NBEA: variants seen among roughly 807,000 people sequenced by gnomAD.
The protein encoded by NBEA is lysosomal-trafficking regulator 2.
NBEA carries 44 observed loss-of-function variants against 343.4 expected under a neutral mutation model. That is an observed-to-expected ratio of 0.13 (90% confidence interval 0.10 to 0.16). The LOEUF is 0.16. Among genes scored for constraint, NBEA ranks in the 10% least tolerant of loss-of-function variants. The pLI, the probability that NBEA is intolerant of heterozygous loss-of-function variation, is 1.00. For missense variants in NBEA, 2,555 were observed against 3,631.3 expected, an observed-to-expected ratio of 0.70 and a Z score of 7.62; for synonymous variants, 1,175 against 1,238.7, an observed-to-expected ratio of 0.95 and a Z score of 1.08.
intron 38 of NBEA, among the ~76,000 whole-genome samples, chr13:35,360,694 C>T (rs1041831676): frequency 1.3e-5 from 2 of 151,962 alleles, no homozygotes; most frequent in African/African-American, 4.8e-5. Flanking sequence ...AAAAATCCAT[C>T]ACCTGAAATG....
Position 35,645,926 on chromosome 13 carries a change from A to G in NBEA, c.7675A>G (p.Ile2559Val). The G allele has an allele frequency of 6.4e-7, 1 of 1,552,964 alleles. No homozygotes were observed. Among genetic ancestry groups the G allele is most frequent in the Non-Finnish European group, 8.8e-7 (1 of 1,139,812 alleles). The part of the protein sequence containing the change: ...PHTFLLTKDF[I>V]KAMEAQIQNF... Reference sequence around the variant, plus strand: ...CACTTTCCTTCTTACAAAGGACTTTATTAAGGTATATGTTCTGTATTTAGT... The same window carrying G: ...CACTTTCCTTCTTACAAAGGACTTTGTTAAGGTATATGTTCTGTATTTAGT... Residue 2559 changes from isoleucine (I) to valine (V), a missense_variant, in exon 50 of 59, where the codon ATT becomes GTT. Ile to Val is a conservative substitution (Grantham distance 29). Transcript: ENST00000379939.
intron 34 of NBEA, among the ~76,000 whole-genome samples, chr13:35,274,252 A>G (rs2034414487): frequency 6.6e-6 from 1 of 152,246 alleles, no homozygotes; most frequent in Admixed American, 6.5e-5. Context: ...AACAGAACCA[A>G]TGACAAAAAC....
At chr13:35,278,489 C>T (rs1004667656) in intron 34 of NBEA, among the ~76,000 whole-genome samples, 3 of 152,266 alleles carry the variant, frequency 2.0e-5, no homozygotes, top group Non-Finnish European at 2.9e-5. Context: ...GATAAAACCC[C>T]GTGAACTCAC....
At chr13:35,445,530 A>T (rs1017358352) in intron 39 of NBEA, among the ~76,000 whole-genome samples, 1 of 151,858 alleles carries the variant, frequency 6.6e-6, no homozygotes, top group African/African-American at 2.4e-5. Flanking sequence ...ACAATAACTT[A>T]TGAATGGCAA....
intron 35 of NBEA, among the ~76,000 whole-genome samples, chr13:35,300,851 C>A (rs2036491538): frequency 6.6e-6 from 1 of 152,052 alleles, no homozygotes; most frequent in Admixed American, 6.6e-5. Context: ...TCTTCTCATT[C>A]CGTTTTTTTC....
chr13:35,597,254 C>G (rs1245997590), intron 47 of NBEA, among the ~76,000 whole-genome samples: 1 of 152,116 alleles, frequency 6.6e-6, no homozygotes, highest in Non-Finnish European at 1.5e-5. Context: ...AGTGTAGCTG[C>G]TAAAATAAAC....
intron 34 of NBEA, among the ~76,000 whole-genome samples, chr13:35,248,991 A>C (rs920638780): frequency 2.0e-5 from 3 of 151,990 alleles, no homozygotes; most frequent in Non-Finnish European, 4.4e-5. Context: ...CTGTACTAAA[A>C]ATGCAAAATT....
At chr13:35,171,123 T>C (rs1357986500) in intron 25 of NBEA, 149 bp from the exon 26 acceptor site, 2 of 805,330 alleles carry the variant, frequency 2.5e-6, no homozygotes, top group African/African-American at 3.4e-5. Context: ...CCAGCTCTGG[T>C]GATATATGGA....
chr13:35,211,280 T>C, intron 33 of NBEA, 101 bp downstream of exon 33: 1 of 1,049,310 alleles, frequency 9.5e-7, no homozygotes. Flanking sequence ...GAATGAAGGT[T>C]AATTATTTTG....
chr13:35,370,580 T>C (rs115392648), intron 38 of NBEA, among the ~76,000 whole-genome samples: 1,656 of 152,196 alleles, frequency 0.011, 31 homozygotes, highest in African/African-American at 0.038. Flanking sequence ...ATTATATTAA[T>C]GTACTTTTGG....
chr13:35,570,083 G>GA (rs1199485117), intron 45 of NBEA, among the ~76,000 whole-genome samples: 1 of 152,220 alleles, frequency 6.6e-6, no homozygotes, highest in African/African-American at 2.4e-5. Flanking sequence ...GCCCAGGCTG[G>GA]AGTGCAGTGG....
chr13:35,138,114 G>C (rs572163214), intron 17 of NBEA, among the ~76,000 whole-genome samples: 29 of 152,228 alleles, frequency 1.9e-4, no homozygotes, highest in African/African-American at 6.7e-4. Context: ...TAAATGGTTA[G>C]AAAGTTTCAA....
intron 38 of NBEA, among the ~76,000 whole-genome samples, chr13:35,360,692 A>G (rs1325782607): frequency 1.3e-5 from 2 of 152,100 alleles, no homozygotes; most frequent in Admixed American, 6.6e-5. Flanking sequence ...TGAAAAATCC[A>G]TCACCTGAAA....
At chr13:35,604,336 C>T (rs916511797) in intron 47 of NBEA, among the ~76,000 whole-genome samples, 3 of 152,102 alleles carry the variant, frequency 2.0e-5, no homozygotes, top group African/African-American at 7.2e-5. Context: ...ATTCTCTTTT[C>T]CTTTTTCGTT....
At chr13:35,466,165 C>T (rs2152955039) in intron 40 of NBEA, among the ~76,000 whole-genome samples, 1 of 152,170 alleles carries the variant, frequency 6.6e-6, no homozygotes, top group African/African-American at 2.4e-5. Flanking sequence ...CTTCATCTGT[C>T]TCATTTTATA....
intron 41 of NBEA, among the ~76,000 whole-genome samples, chr13:35,510,414 C>T (rs899982852): frequency 6.6e-6 from 1 of 152,138 alleles, no homozygotes; most frequent in African/African-American, 2.4e-5. Flanking sequence ...TATATTTTGA[C>T]TTAATTTTTC....
intron 53 of NBEA, among the ~76,000 whole-genome samples, chr13:35,653,728 A>G (rs1213687803): frequency 1.3e-5 from 2 of 152,228 alleles, no homozygotes; most frequent in African/African-American, 4.8e-5. Flanking sequence ...TACACAAAAT[A>G]CCATTTACAT....
chr13:34,992,454 C>T (rs1427155723), intron 1 of NBEA, among the ~76,000 whole-genome samples: 1 of 151,234 alleles, frequency 6.6e-6, no homozygotes, highest in African/African-American at 2.4e-5. Context: ...TGGCATTTCA[C>T]CATGTTGGAC....
At chr13:34,951,347 T>C (rs2059344356) in intron 1 of NBEA, among the ~76,000 whole-genome samples, 1 of 152,210 alleles carries the variant, frequency 6.6e-6, no homozygotes, top group African/African-American at 2.4e-5. Flanking sequence ...CCTTATAAGA[T>C]AGATATACAG....
Sources: gnomAD v4.1 joint callset for allele counts (sites outside exome capture counted in the v4.1 genomes callset) on GRCh38, gnomAD v4.1.1 for gene constraint, MANE v1.5 for transcripts, NCBI Gene and HGNC (gene_info 2026-07-23, HGNC 2026-07-21) for gene names.